The following PCCA variants were observed in gnomAD, a reference collection of about 807,000 sequenced individuals.
The protein encoded by PCCA is propionyl-CoA carboxylase subunit alpha.
Under a neutral mutation model 101.3 loss-of-function variants are expected in PCCA, and 74 were observed. That is an observed-to-expected ratio of 0.73 (90% confidence interval 0.61 to 0.89). The LOEUF (loss-of-function observed/expected upper bound fraction) is 0.89. PCCA is among the 40% of genes least tolerant of loss of function. PCCA has a pLI of 0.00. For synonymous variants in PCCA, 294 were observed against 313.6 expected (o/e 0.94, Z 0.66); for missense variants, 891 against 907.0 (o/e 0.98, Z 0.23).
chr13:100,433,751 G>A (rs1041148386), intron 20 of PCCA, among the ~76,000 whole-genome samples: 1 of 152,116 alleles, frequency 6.6e-6, no homozygotes, highest in Non-Finnish European at 1.5e-5. Flanking sequence ...CTTTCTTCTT[G>A]CTTGCTTTAT....
At chr13:100,349,492 ACCTCAGGTCAT>A (rs1379146902) in intron 18 of PCCA, among the ~76,000 whole-genome samples, 2 of 151,698 alleles carry the variant, frequency 1.3e-5, no homozygotes, top group Non-Finnish European at 2.9e-5. Flanking sequence ...CAAAATCCCA[ACCTCAGGTCAT>A]CCACCTGCTT....
At chr13:100,428,097 C>G (rs1210178796) in intron 20 of PCCA, among the ~76,000 whole-genome samples, 1 of 151,810 alleles carries the variant, frequency 6.6e-6, no homozygotes, top group Non-Finnish European at 1.5e-5. Flanking sequence ...GACAGGATCT[C>G]GCTCTGTCAC....
intron 4 of PCCA, among the ~76,000 whole-genome samples, chr13:100,138,877 G>T (rs1311240527): frequency 7.1e-6 from 1 of 141,132 alleles, no homozygotes; most frequent in Admixed American, 7.6e-5. Context: ...AGAGGTTGCA[G>T]TGAGCCAAGA....
At chr13:100,104,668 A>G (rs1239462060) in intron 2 of PCCA, 1 of 152,166 alleles carries the variant, frequency 6.6e-6, no homozygotes, top group Non-Finnish European at 1.5e-5. Flanking sequence ...GTAAAAACCA[A>G]TTAATACACA....
chr13:100,184,102 T>TA (rs950323297), intron 6 of PCCA, among the ~76,000 whole-genome samples: 15 of 152,094 alleles, frequency 9.9e-5, no homozygotes, highest in African/African-American at 3.6e-4. Flanking sequence ...TCAGGAAACT[T>TA]ACAGTCATGG....
At chr13:100,300,714 T>C (rs1350952590) in intron 12 of PCCA, among the ~76,000 whole-genome samples, 1 of 152,248 alleles carries the variant, frequency 6.6e-6, no homozygotes, top group East Asian at 1.9e-4. Flanking sequence ...ACCAAGTTTA[T>C]GTTGACATGT....
At chr13:100,410,561 C>T (rs1167126360) in intron 19 of PCCA, among the ~76,000 whole-genome samples, 2 of 152,196 alleles carry the variant, frequency 1.3e-5, no homozygotes, top group Non-Finnish European at 2.9e-5. Context: ...ATTGTAAAGT[C>T]TACACACAGT....
intron 2 of PCCA, among the ~76,000 whole-genome samples, chr13:100,104,115 T>A (rs1396516442): frequency 6.6e-6 from 1 of 152,120 alleles, no homozygotes; most frequent in Non-Finnish European, 1.5e-5. Context: ...GGCGGGAGTT[T>A]TGGTTAAGAA....
At chr13:100,525,800 G>A (rs1266897056) in intron 22 of PCCA, among the ~76,000 whole-genome samples, 2 of 152,232 alleles carry the variant, frequency 1.3e-5, no homozygotes, top group East Asian at 1.9e-4. Flanking sequence ...GCCCTCAGAT[G>A]CCTGCAGAGG....
rs374892020 is a variant in PCCA, at chr13:100,374,691, C to T, written c.1746+6117C>T. 2.3e-3 allele frequency among the ~76,000 whole-genome samples: 353 copies of T among 152,058 alleles called. 1 individual carries two copies. The highest frequency in any genetic ancestry group is 6.4e-3 in the African/African-American group (265 of 41,474). Reference sequence around the variant, plus strand: ...TTAGTTAGAAATTTGGCCTTCCTAGCGATGGAAAAAGGAGCACTATACATG... The same window carrying T: ...TTAGTTAGAAATTTGGCCTTCCTAGTGATGGAAAAAGGAGCACTATACATG... On this transcript the variant is annotated intron_variant, in intron 19 of 23. Transcript: ENST00000376285.
intron 18 of PCCA, among the ~76,000 whole-genome samples, chr13:100,362,642 G>A (rs942204011): frequency 6.6e-6 from 1 of 152,086 alleles, no homozygotes; most frequent in African/African-American, 2.4e-5. Context: ...AGAACCTTAA[G>A]CCCTTATCGG....
intron 12 of PCCA, among the ~76,000 whole-genome samples, chr13:100,282,735 A>G (rs1485944126): frequency 6.6e-6 from 1 of 152,208 alleles, no homozygotes; most frequent in African/African-American, 2.4e-5. Flanking sequence ...GTAAGAGGGA[A>G]GGCAAATGGA....
At chr13:100,487,485 G>T (rs2084481420) in intron 21 of PCCA, among the ~76,000 whole-genome samples, 1 of 152,198 alleles carries the variant, frequency 6.6e-6, no homozygotes. Context: ...TGTGTGTGTG[G>T]TGTGATGTTT....
chr13:100,111,302 T>C (rs1386308091), intron 2 of PCCA, among the ~76,000 whole-genome samples: 2 of 150,610 alleles, frequency 1.3e-5, no homozygotes, highest in Admixed American at 6.6e-5. Context: ...AAGTGCTGGA[T>C]TACAGGCGTG....
chr13:100,483,254 GAA>G (rs796889153), intron 21 of PCCA, among the ~76,000 whole-genome samples: 2 of 143,778 alleles, frequency 1.4e-5, no homozygotes, highest in Non-Finnish European at 1.5e-5. Flanking sequence ...GCCTTTCAGG[GAA>G]AAAAAAAAAA....
intron 12 of PCCA, among the ~76,000 whole-genome samples, chr13:100,282,158 G>A (rs1185128101): frequency 6.6e-6 from 1 of 152,176 alleles, no homozygotes; most frequent in East Asian, 1.9e-4. Flanking sequence ...TTTGCTTATT[G>A]TTGGGGGAAA....
chr13:100,246,422 A>G (rs1594908505), intron 8 of PCCA, among the ~76,000 whole-genome samples: 1 of 151,930 alleles, frequency 6.6e-6, no homozygotes. Flanking sequence ...CGATCCTCCC[A>G]CCTCAGCCAC....
chr13:100,416,877 C>T (rs528140065), intron 19 of PCCA, among the ~76,000 whole-genome samples: 1 of 151,412 alleles, frequency 6.6e-6, no homozygotes, highest in South Asian at 2.1e-4. Flanking sequence ...GAGTTTTGCT[C>T]TTGTTGTCCA....
chr13:100,103,806 T>C (rs556714681), intron 2 of PCCA, among the ~76,000 whole-genome samples: 1 of 151,454 alleles, frequency 6.6e-6, no homozygotes, highest in African/African-American at 2.4e-5. Context: ...CGTCTAATTT[T>C]TGTGTTTGTA....
Sources: gnomAD v4.1 joint callset for allele counts (sites outside exome capture counted in the v4.1 genomes callset) on GRCh38, gnomAD v4.1.1 for gene constraint, MANE v1.5 for transcripts, NCBI Gene and HGNC (gene_info 2026-07-23, HGNC 2026-07-21) for gene names.